The following PDE10A variants were observed in gnomAD, a reference collection of about 807,000 sequenced individuals.
PDE10A encodes the protein phosphodiesterase 10A, also known as cAMP and cAMP-inhibited cGMP 3',5'-cyclic phosphodiesterase 10A.
In PDE10A, 39 loss-of-function variants were observed where a neutral mutation model predicts 97.7. That is an observed-to-expected ratio of 0.40 (90% CI 0.31 to 0.52). The LOEUF is 0.52. PDE10A is among the 20% of genes least tolerant of loss of function. PDE10A has a pLI of 0.56. For synonymous variants in PDE10A, 371 were observed against 376.8 expected (o/e 0.98, Z 0.18); for missense variants, 731 against 1,047.8 (o/e 0.70, Z 4.17).
In PDE10A at chr6:165,370,175, G is replaced by T. The variant is rs145683765; in HGVS notation, c.2783+9019C>A. Among the ~76,000 whole-genome samples the T allele has an allele frequency of 6.2e-3, 932 of 151,222 alleles. 16 individuals carry two copies. Among genetic ancestry groups the T allele is most frequent in the African/African-American group, 0.021 (879 of 41,166 alleles). On this transcript the variant is annotated intron_variant, in intron 18 of 21. Coordinates refer to ENST00000539869, the MANE Select transcript of PDE10A (RefSeq NM_001385079.1). ...CTAAGAAGAAACTGCATCAACTAAC[G>T]AGCAAAATAACCAGCCAACATCATA...
intron 2 of PDE10A, among the ~76,000 whole-genome samples, chr6:165,541,811 C>T (rs1783456650): frequency 6.6e-6 from 1 of 152,038 alleles, no homozygotes; most frequent in African/African-American, 2.4e-5. Context: ...TATTTCTCTT[C>T]TCCCCTCCCT....
chr6:165,395,100 C>A (rs1313923865), intron 15 of PDE10A, 81 bp downstream of exon 15: 4 of 756,336 alleles, frequency 5.3e-6, no homozygotes, highest in African/African-American at 1.8e-5. Flanking sequence ...AAACAAAGAT[C>A]GTGGTGAGGC....
chr6:165,976,184 A>G (rs773666174), intron 1 of PDE10A, among the ~76,000 whole-genome samples: 4 of 152,236 alleles, frequency 2.6e-5, no homozygotes, highest in African/African-American at 9.6e-5. Context: ...TGAAGCTAAA[A>G]AAGACTCCTT....
chr6:165,694,778 T>C (rs897287212), intron 1 of PDE10A, among the ~76,000 whole-genome samples: 5 of 152,190 alleles, frequency 3.3e-5, no homozygotes, highest in African/African-American at 9.7e-5. Context: ...GAAGGGAATG[T>C]TGATGGTAAA....
At chr6:165,878,955 A>G (rs1437134394) in intron 1 of PDE10A, among the ~76,000 whole-genome samples, 2 of 152,344 alleles carry the variant, frequency 1.3e-5, no homozygotes, top group Non-Finnish European at 2.9e-5. Context: ...TAGCCCGGTG[A>G]GACCCATTTC....
intron 1 of PDE10A, among the ~76,000 whole-genome samples, chr6:165,953,742 C>T (rs1051023017): frequency 2.0e-5 from 3 of 152,218 alleles, no homozygotes; most frequent in Non-Finnish European, 2.9e-5. Context: ...TGCACCAATA[C>T]TGACACATTG....
intron 1 of PDE10A, among the ~76,000 whole-genome samples, chr6:165,916,815 G>A (rs1300241008): frequency 6.6e-6 from 1 of 152,106 alleles, no homozygotes; most frequent in African/African-American, 2.4e-5. Flanking sequence ...TGGGATAAGG[G>A]CCACCCTTAT....
chr6:165,946,214 C>T (rs956495485), intron 1 of PDE10A, among the ~76,000 whole-genome samples: 3 of 152,110 alleles, frequency 2.0e-5, no homozygotes, highest in African/African-American at 7.2e-5. Context: ...AATATATTGT[C>T]GGCCAGGCTC....
intron 5 of PDE10A, 88 bp downstream of exon 5, chr6:165,448,840 C>A: frequency 3.8e-6 from 3 of 795,002 alleles, no homozygotes; most frequent in Non-Finnish European, 6.3e-6. Flanking sequence ...AGTACTTAAT[C>A]ATGAAATGTC....
intron 18 of PDE10A, 105 bp downstream of exon 18, chr6:165,379,089 A>C: frequency 6.7e-5 from 43 of 646,200 alleles, no homozygotes; most frequent in Middle Eastern, 3.3e-4. Flanking sequence ...AATTTTTTAC[A>C]TTCCTTCTTT....
chr6:165,651,246 C>G (rs1446803284), intron 1 of PDE10A, among the ~76,000 whole-genome samples: 1 of 152,218 alleles, frequency 6.6e-6, no homozygotes, highest in African/African-American at 2.4e-5. Context: ...ATGAATAAGG[C>G]TGAGCATCTT....
chr6:165,731,835 A>G (rs1294520616), intron 1 of PDE10A, among the ~76,000 whole-genome samples: 2 of 152,224 alleles, frequency 1.3e-5, no homozygotes, highest in East Asian at 3.9e-4. Context: ...TCAATTGCCA[A>G]CAAGAATCCA....
At chr6:165,814,235 T>G (rs1031457954) in intron 1 of PDE10A, among the ~76,000 whole-genome samples, 1 of 152,156 alleles carries the variant, frequency 6.6e-6, no homozygotes, top group Admixed American at 6.5e-5. Flanking sequence ...GAAGGAGCCG[T>G]GCAGCAAGGC....
rs190349629 is a variant in PDE10A, at chr6:165,568,100, G to A, written c.866-24532C>T. On this transcript the variant is annotated intron_variant, in intron 1 of 21. Coordinates refer to ENST00000539869, the MANE Select transcript of PDE10A (RefSeq NM_001385079.1). Reference sequence around the variant, plus strand: ...TGCAAGCTCCGCCTCCTGGGTTCACGCCATTCTCCTGCCTCAGCCTCCCGA... The same window carrying A: ...TGCAAGCTCCGCCTCCTGGGTTCACACCATTCTCCTGCCTCAGCCTCCCGA... 9.0e-4 allele frequency among the ~76,000 whole-genome samples: 129 copies of A among 143,314 alleles called. 3 individuals carry two copies. In the East Asian group the frequency reaches 0.025, roughly 28 times the overall value. 94.0% of individuals were successfully genotyped at this position (143,314 alleles called of 152,430 possible). A position where few individuals can be genotyped will look rare whatever the true frequency, so the allele number is the denominator to read the frequency against.
At chr6:165,797,975 T>G (rs1778874166) in intron 1 of PDE10A, among the ~76,000 whole-genome samples, 1 of 152,234 alleles carries the variant, frequency 6.6e-6, no homozygotes, top group Admixed American at 6.5e-5. Context: ...GTTGGCTAAT[T>G]CAGGTCACTT....
chr6:165,880,485 C>T (rs536660401), intron 1 of PDE10A, among the ~76,000 whole-genome samples: 1 of 152,130 alleles, frequency 6.6e-6, no homozygotes, highest in East Asian at 1.9e-4. Flanking sequence ...GGATGTTGGG[C>T]CAGATGCTGG....
rs1317404055 is a variant in PDE10A at position 165,661,702 on chromosome 6, G to A, written c.865+245C>T. 5 of 439,842 alleles carry A rather than the reference G, an allele frequency of 1.1e-5. No individual in the cohort carries two copies. The East Asian group carries it at 1.9e-4, about 17-fold the overall frequency. The allele number at this position is 439,842 out of a possible 1,614,324, so 27.2% of individuals were successfully genotyped here. ...GTCCAAGCTCCCGCCGCCCTCCCGA[G>A]CCGCCCTTCCCCCGAGCGCTCGCGG... On this transcript the variant is annotated intron_variant, in intron 1 of 21. Transcript: ENST00000539869. This position sits in a 1 kb window ranked among gnomAD's most constrained non-coding sequence, Gnocchi z 4.8.
intron 1 of PDE10A, among the ~76,000 whole-genome samples, chr6:165,965,495 G>A (rs1400987304): frequency 1.3e-5 from 2 of 152,128 alleles, no homozygotes; most frequent in African/African-American, 2.4e-5. Flanking sequence ...GTCAAAATGA[G>A]GGCGAGACTG....
chr6:165,712,647 T>C (rs1189172973), intron 1 of PDE10A, among the ~76,000 whole-genome samples: 1 of 142,336 alleles, frequency 7.0e-6, no homozygotes, highest in Non-Finnish European at 1.5e-5. Context: ...TTTTTTTTTT[T>C]TTTTTTTTTT....
Sources: allele counts gnomAD v4.1 joint callset (sites outside exome capture counted in the v4.1 genomes callset), GRCh38; gene constraint gnomAD v4.1.1; non-coding constraint Gnocchi (gnomAD v3.1); transcripts MANE v1.5; gene names NCBI Gene and HGNC (gene_info 2026-07-23, HGNC 2026-07-21).